Variants in XRCC4 observed in about 807,000 individuals in gnomAD.
XRCC4 encodes X-ray repair cross complementing 4.
XRCC4 carries 28 observed loss-of-function variants against 39.1 expected under a neutral mutation model. The observed-to-expected ratio is 0.72, with a 90% CI of 0.53 to 0.98. XRCC4 has a LOEUF of 0.98. Ranked by LOEUF, XRCC4 falls within the 50% of genes least tolerant of loss-of-function variation. XRCC4 has a pLI of 0.00. For missense variants in XRCC4, 350 were observed against 376.4 expected, an observed-to-expected ratio of 0.93 and a Z score of 0.58; for synonymous variants, 123 against 126.4, an observed-to-expected ratio of 0.97 and a Z score of 0.18.
At chr5:83,222,851 G>A (rs1752141783) in intron 6 of XRCC4, among the ~76,000 whole-genome samples, 1 of 152,036 alleles carries the variant, frequency 6.6e-6, no homozygotes. Flanking sequence ...TGGCTCAAGT[G>A]ATCCTCCCAT....
chr5:83,274,137 G>A (rs1244594559), intron 7 of XRCC4, among the ~76,000 whole-genome samples: 1 of 152,072 alleles, frequency 6.6e-6, no homozygotes, highest in Non-Finnish European at 1.5e-5. Context: ...GTTCAGTATT[G>A]GTAAATGCCC....
intron 1 of XRCC4, among the ~76,000 whole-genome samples, chr5:83,086,121 T>C (rs1745168837): frequency 6.6e-6 from 1 of 152,220 alleles, no homozygotes; most frequent in South Asian, 2.1e-4. Flanking sequence ...TAGGTGGCTT[T>C]TAAATAGTAA....
At chr5:83,122,217 C>A (rs189077601) in intron 3 of XRCC4, among the ~76,000 whole-genome samples, 1 of 152,214 alleles carries the variant, frequency 6.6e-6, no homozygotes, top group Non-Finnish European at 1.5e-5. Flanking sequence ...CCAAACAAGT[C>A]TGCTGGAATC....
chr5:83,356,659 C>G (rs1757193221), downstream of XRCC4: 1 of 438,170 alleles, frequency 2.3e-6, no homozygotes, highest in South Asian at 1.7e-5. Context: ...ATCTACAGAT[C>G]TGGTGTAAAC....
chr5:83,151,616 A>G (rs1231394739), intron 3 of XRCC4, among the ~76,000 whole-genome samples: 4 of 152,182 alleles, frequency 2.6e-5, no homozygotes, highest in African/African-American at 7.2e-5. Flanking sequence ...TTAAGTTCCC[A>G]TAATATAATA....
Position 83,276,990 on chromosome 5 carries a change from A to G in XRCC4, c.893+18313A>G, listed in dbSNP as rs1342183934. 3.3e-5 allele frequency among the ~76,000 whole-genome samples: 5 copies of G among 152,162 alleles called. No individual in the cohort carries two copies. In the East Asian group the frequency reaches 7.7e-4, roughly 23 times the overall value. ...ACCCATCATAAGTGAAGGAGCATCT[A>G]TATATTTAGTATTGGGGGGAAGTTC... On this transcript the variant is annotated intron_variant, in intron 7 of 7. Coordinates refer to ENST00000396027, the MANE Select transcript of XRCC4 (RefSeq NM_003401.5).
intron 7 of XRCC4, among the ~76,000 whole-genome samples, chr5:83,321,154 T>G (rs1341042655): frequency 6.6e-6 from 1 of 152,174 alleles, no homozygotes; most frequent in Admixed American, 6.6e-5. Context: ...TACAGTGTCA[T>G]GTAAACATAA....
intron 7 of XRCC4, among the ~76,000 whole-genome samples, chr5:83,275,405 C>T (rs1267486652): frequency 6.6e-6 from 1 of 150,928 alleles, no homozygotes; most frequent in Non-Finnish European, 1.5e-5. Context: ...CGCCATTCTC[C>T]TGCCTCAGCC....
chr5:83,101,667 G>A (rs368319732), intron 1 of XRCC4, among the ~76,000 whole-genome samples: 1 of 152,164 alleles, frequency 6.6e-6, no homozygotes, highest in African/African-American at 2.4e-5. Flanking sequence ...ACTTGAGGGT[G>A]TTTCTAATGG....
At chr5:83,174,184 T>A (rs1278101126) in intron 3 of XRCC4, among the ~76,000 whole-genome samples, 1 of 152,198 alleles carries the variant, frequency 6.6e-6, no homozygotes, top group Non-Finnish European at 1.5e-5. Context: ...AGAATGCATA[T>A]TCTGTAGTTT....
chr5:83,134,873 G>A (rs1354451811), intron 3 of XRCC4, among the ~76,000 whole-genome samples: 3 of 151,932 alleles, frequency 2.0e-5, no homozygotes, highest in Admixed American at 6.6e-5. Context: ...CTCTGGACAC[G>A]CCACCTTGAA....
chr5:83,336,398 G>A (rs1756596226), intron 7 of XRCC4, among the ~76,000 whole-genome samples: 1 of 151,922 alleles, frequency 6.6e-6, no homozygotes, highest in Admixed American at 6.6e-5. Flanking sequence ...TTTAATTTCT[G>A]TTTATGCTTT....
At chr5:83,321,147 A>G (rs1295966482) in intron 7 of XRCC4, among the ~76,000 whole-genome samples, 2 of 152,186 alleles carry the variant, frequency 1.3e-5, no homozygotes, top group Admixed American at 1.3e-4. Flanking sequence ...AATAGGCTAC[A>G]GTGTCATGTA....
chr5:83,079,565 G>T (rs1046483202), intron 1 of XRCC4, among the ~76,000 whole-genome samples: 1 of 152,048 alleles, frequency 6.6e-6, no homozygotes, highest in Non-Finnish European at 1.5e-5. Flanking sequence ...ATCTTGCTCT[G>T]TTGCCCAGGG....
At position 83,280,454 on chromosome 5, in the gene XRCC4, A is replaced by G. The variant is rs1310595797; in HGVS notation, c.893+21777A>G. The stretch of plus-strand genomic sequence containing the variant: ...GCAATTTTGAAGAAAGTTCTTGCAC[A>G]TATCTCCTTAGGCAAAATTGAGGTA... On this transcript the variant is annotated intron_variant, in intron 7 of 7. Coordinates refer to ENST00000396027, the MANE Select transcript of XRCC4 (RefSeq NM_003401.5). 4 of 727,620 alleles carry G rather than the reference A, an allele frequency of 5.5e-6. No homozygotes were observed. In the South Asian group the frequency reaches 6.2e-5, roughly 11 times the overall value. The allele number at this position is 727,620 out of a possible 1,614,324, so 45.1% of individuals were successfully genotyped here.
At chr5:83,167,553 T>C (rs1338355589) in intron 3 of XRCC4, among the ~76,000 whole-genome samples, 2 of 152,322 alleles carry the variant, frequency 1.3e-5, no homozygotes, top group African/African-American at 2.4e-5. Context: ...ATTTGGTCTA[T>C]ACATAAACTC....
chr5:83,090,993 C>T (rs1230080844), intron 1 of XRCC4, among the ~76,000 whole-genome samples: 1 of 152,058 alleles, frequency 6.6e-6, no homozygotes, highest in Non-Finnish European at 1.5e-5. Context: ...ACATATCTAT[C>T]CCCTGAAGTA....
chr5:83,098,414 T>C (rs143888086), intron 1 of XRCC4, among the ~76,000 whole-genome samples: 16 of 152,232 alleles, frequency 1.1e-4, no homozygotes, highest in African/African-American at 3.6e-4. Flanking sequence ...GGGACTTTGT[T>C]TGAAAATTAG....
chr5:83,293,300 CCTAGTATAATACTACA>C (rs1252593862), intron 7 of XRCC4, among the ~76,000 whole-genome samples: 1 of 151,972 alleles, frequency 6.6e-6, no homozygotes, highest in Non-Finnish European at 1.5e-5. Context: ...GCAACTAACT[CCTAGTATAATACTACA>C]CTATGCTTAA....
Sources: gnomAD v4.1 joint callset for allele counts (sites outside exome capture counted in the v4.1 genomes callset) on GRCh38, gnomAD v4.1.1 for gene constraint, MANE v1.5 for transcripts, NCBI Gene and HGNC (gene_info 2026-07-23, HGNC 2026-07-21) for gene names.